The following SGMS2 variants were observed in gnomAD, a reference collection of about 807,000 sequenced individuals.
The protein encoded by SGMS2 is phosphatidylcholine:ceramide cholinephosphotransferase 2.
Under a neutral mutation model 43.8 loss-of-function variants are expected in SGMS2, and 21 were observed. The ratio of observed to expected loss-of-function variants is 0.48; its 90% CI spans 0.34 to 0.69. SGMS2 has a LOEUF of 0.69. SGMS2 is among the 30% of genes least tolerant of loss of function. The probability of loss-of-function intolerance (pLI) is 0.01; values close to 1 mark genes in which losing one functional copy is unlikely to be tolerated. For missense variants in SGMS2, 384 were observed against 443.2 expected (o/e 0.87, Z 1.20); for synonymous variants, 167 against 160.6 (o/e 1.04, Z -0.30).
At position 107,904,915 on chromosome 4, in the gene SGMS2, A is replaced by T. The variant is rs17038222; in HGVS notation, c.727+1529A>T. Among the ~76,000 whole-genome samples the T allele has an allele frequency of 7.6e-3, 1,149 of 151,760 alleles. 14 individuals carry two copies. The highest frequency in any genetic ancestry group is 0.027 in the African/African-American group (1,098 of 41,336). ...GTGTAGATGTACATTTGAGTTTAGG[A>T]TCTTCTCTATAATCTGAGGATCATA... On this transcript the variant is annotated intron_variant, in intron 5 of 6. Transcript: ENST00000690982.
Position 107,910,879 on chromosome 4 carries a change from TTTTTTCAGGATA to T in SGMS2, c.*335_*346del, listed in dbSNP as rs150716652. 1.4e-3 allele frequency: 309 copies of T among 218,276 alleles called. 5 individuals carry two copies. The East Asian group carries it at 0.033, about 24-fold the overall frequency. The allele number at this position is 218,276 out of a possible 1,614,324, so 13.5% of individuals were successfully genotyped here. A position where few individuals can be genotyped will look rare whatever the true frequency, so the allele number is the denominator to read the frequency against. ...TCCACCAAAACCCTCTACTTCAGAA[TTTTTTCAGGATA>T]TTTTTCAGCCCAAGGTCAGAAGAAT... On this transcript the variant is annotated 3_prime_UTR_variant, in exon 7 of 7. Coordinates refer to ENST00000690982, the MANE Select transcript of SGMS2 (RefSeq NM_001375905.1).
chr4:107,882,300 G>A (rs1729419943), intron 2 of SGMS2, among the ~76,000 whole-genome samples: 1 of 152,116 alleles, frequency 6.6e-6, no homozygotes, highest in African/African-American at 2.4e-5. Flanking sequence ...GATAGAAGCT[G>A]TTTTAACTGG....
intron 2 of SGMS2, among the ~76,000 whole-genome samples, chr4:107,875,736 T>C (rs1728868599): frequency 6.6e-6 from 1 of 152,214 alleles, no homozygotes; most frequent in Non-Finnish European, 1.5e-5. Context: ...ATATGAATGG[T>C]CTACATTGTT....
intron 2 of SGMS2, among the ~76,000 whole-genome samples, chr4:107,886,127 G>A (rs1046660389): frequency 1.3e-5 from 2 of 151,930 alleles, no homozygotes; most frequent in Non-Finnish European, 2.9e-5. Flanking sequence ...GTTCATCAGA[G>A]AGTAAAAATG....
intron 1 of SGMS2, among the ~76,000 whole-genome samples, chr4:107,840,032 T>C (rs887677668): frequency 1.7e-4 from 26 of 152,168 alleles, no homozygotes; most frequent in Non-Finnish European, 3.8e-4. Flanking sequence ...TGTTAAATTA[T>C]ATGGTCACCC....
intron 1 of SGMS2, among the ~76,000 whole-genome samples, chr4:107,832,857 T>A (rs552428811): frequency 6.6e-6 from 1 of 152,016 alleles, no homozygotes; most frequent in Admixed American, 6.5e-5. Context: ...ATGCAACCCC[T>A]CCTCTACAAA....
At chr4:107,859,496 T>C (rs1727610060) in intron 2 of SGMS2, among the ~76,000 whole-genome samples, 1 of 152,228 alleles carries the variant, frequency 6.6e-6, no homozygotes, top group South Asian at 2.1e-4. Flanking sequence ...GCACTAAGAA[T>C]GGCAGCTATT....
At chr4:107,883,898 G>C (rs1465726617) in intron 2 of SGMS2, among the ~76,000 whole-genome samples, 8 of 152,140 alleles carry the variant, frequency 5.3e-5, no homozygotes, top group African/African-American at 1.7e-4. Flanking sequence ...GTATAATAAA[G>C]CAAACCAGTC....
chr4:107,871,017 T>C (rs1037380759), intron 2 of SGMS2, among the ~76,000 whole-genome samples: 18 of 152,226 alleles, frequency 1.2e-4, no homozygotes, highest in African/African-American at 4.1e-4. Flanking sequence ...CTTGGCATTA[T>C]GTTCAGGTTT....
intron 2 of SGMS2, chr4:107,863,655 C>A (rs1383991683): frequency 6.6e-6 from 1 of 152,148 alleles, no homozygotes; most frequent in African/African-American, 2.4e-5. Flanking sequence ...TGGAGCATTG[C>A]TTTAGGGCTT....
intron 2 of SGMS2, among the ~76,000 whole-genome samples, chr4:107,894,944 T>C (rs564726564): frequency 3.9e-5 from 6 of 152,342 alleles, no homozygotes; most frequent in African/African-American, 1.4e-4. Flanking sequence ...TTAGGAAGGA[T>C]TGATGTGATC....
chr4:107,836,868 G>T (rs943725056), intron 1 of SGMS2, among the ~76,000 whole-genome samples: 1 of 152,190 alleles, frequency 6.6e-6, no homozygotes, highest in African/African-American at 2.4e-5. Context: ...ATGGGCAGGG[G>T]AGGGAAGGGA....
intron 2 of SGMS2, among the ~76,000 whole-genome samples, chr4:107,886,052 G>T (rs1010737193): frequency 1.3e-5 from 2 of 152,178 alleles, no homozygotes; most frequent in African/African-American, 4.8e-5. Context: ...ACTATATAAT[G>T]TGAGTCATTT....
intron 1 of SGMS2, among the ~76,000 whole-genome samples, 178 bp from the exon 2 acceptor site, chr4:107,858,294 G>A (rs60137882): frequency 0.1 from 15,473 of 152,146 alleles, 1,027 homozygotes; most frequent in African/African-American, 0.17. Context: ...TTGACCTGAA[G>A]TGTCAGTACC....
At position 107,891,134 on chromosome 4, in the gene SGMS2, C is replaced by T. The variant is rs868480320; in HGVS notation, c.-244-4176C>T. Reference sequence around the variant, plus strand: ...CCTTTTTCTGGCTGTTTTTCTCCCCCCCATTATACCACCTTACCATACTAC... The same window carrying T: ...CCTTTTTCTGGCTGTTTTTCTCCCCTCCATTATACCACCTTACCATACTAC... On this transcript the variant is annotated intron_variant, in intron 2 of 6. Coordinates refer to ENST00000690982, the MANE Select transcript of SGMS2 (RefSeq NM_001375905.1). Among the ~76,000 whole-genome samples, 74 of 151,656 alleles carry T rather than the reference C, an allele frequency of 4.9e-4. 1 individual carries two copies. The highest frequency in any genetic ancestry group is 1.5e-3 in the African/African-American group (61 of 41,350).
intron 2 of SGMS2, among the ~76,000 whole-genome samples, chr4:107,884,605 C>A (rs1455958193): frequency 2.6e-5 from 4 of 152,172 alleles, no homozygotes; most frequent in Non-Finnish European, 5.9e-5. Flanking sequence ...CTCCCATTCT[C>A]ACACATCTGC....
chr4:107,827,504 T>C (rs1392326941), intron 1 of SGMS2, among the ~76,000 whole-genome samples: 2 of 152,198 alleles, frequency 1.3e-5, no homozygotes, highest in Non-Finnish European at 2.9e-5. Flanking sequence ...AGAGATCTGG[T>C]GGCATTCTGA....
intron 3 of SGMS2, among the ~76,000 whole-genome samples, chr4:107,897,071 G>A (rs1730731865): frequency 6.6e-6 from 1 of 152,088 alleles, no homozygotes; most frequent in Non-Finnish European, 1.5e-5. Context: ...TTTTTAGTTG[G>A]TAACACTTTT....
intron 1 of SGMS2, among the ~76,000 whole-genome samples, chr4:107,855,097 T>C (rs889719678): frequency 6.6e-6 from 1 of 152,176 alleles, no homozygotes; most frequent in Admixed American, 6.6e-5. Flanking sequence ...ACTAGTATGC[T>C]CTATTTTAAT....
Sources: allele counts gnomAD v4.1 joint callset (sites outside exome capture counted in the v4.1 genomes callset), GRCh38; gene constraint gnomAD v4.1.1; transcripts MANE v1.5; gene names NCBI Gene and HGNC (gene_info 2026-07-23, HGNC 2026-07-21).